Variants in PNPLA6 observed in about 807,000 individuals in gnomAD.
The protein encoded by PNPLA6 is patatin-like phospholipase domain-containing protein 6.
In PNPLA6, 105 loss-of-function variants were observed where a neutral mutation model predicts 153.7. The observed-to-expected ratio is 0.68, with a 90% CI of 0.58 to 0.80. The LOEUF (loss-of-function observed/expected upper bound fraction) is 0.80. Among genes scored for constraint, PNPLA6 ranks in the 30% least tolerant of loss-of-function variants. PNPLA6 has a pLI of 0.00. For synonymous variants in PNPLA6, 825 were observed against 822.2 expected (o/e 1.00, Z -0.06); for missense variants, 1,423 against 1,919.3 (o/e 0.74, Z 4.83).
At chr19:7,543,393 A>C (rs991620840) in intron 13 of PNPLA6, among the ~76,000 whole-genome samples, 3 of 152,020 alleles carry the variant, frequency 2.0e-5, no homozygotes, top group Non-Finnish European at 4.4e-5. Flanking sequence ...TGAACTTCTG[A>C]TCCTGCAGTA....
At position 7,554,229 on chromosome 19, in the gene PNPLA6, A is replaced by G. The variant is rs1402183916; in HGVS notation, c.2422A>G (p.Ser808Gly). 1 of 1,613,374 alleles carries G rather than the reference A, an allele frequency of 6.2e-7. No individual in the cohort carries two copies. Among genetic ancestry groups the G allele is most frequent in the Non-Finnish European group, 8.5e-7 (1 of 1,179,596 alleles). The change falls in exon 20 of 32, where the codon AGT (serine) becomes GGT (glycine). Residue 808 changes from serine to glycine, a missense_variant. Coordinates refer to ENST00000600737, the MANE Select transcript of PNPLA6 (RefSeq NM_001166114.2). ...QAIGPTLLLN[S>G]DIIRARLGAS... ...CCTAGGTCCGACGCTACTCCTTAAC[A>G]GTGACATCATCCGGGCACGCCTGGG...
intron 13 of PNPLA6, among the ~76,000 whole-genome samples, chr19:7,543,472 G>A (rs1471757601): frequency 1.3e-5 from 2 of 152,222 alleles, no homozygotes; most frequent in Non-Finnish European, 2.9e-5. Context: ...GCTACAAATC[G>A]CCATCTGGCC....
At position 7,542,802 on chromosome 19, in the gene PNPLA6, T is replaced by C. The variant is rs978880888; in HGVS notation, c.1404T>C (p.Cys468=). The part of the protein sequence containing the change: ...QEPREQPAGA[C]EYSYCEDESA... ...CTCGTGAGCAGCCGGCAGGCGCCTG[T>C]GAATACAGCTACTGTGAGGATGAGT... The change falls in exon 12 of 32, where the codon TGT becomes TGC. Residue 468 remains cysteine (C), a synonymous_variant. Coordinates refer to ENST00000600737, the MANE Select transcript of PNPLA6 (RefSeq NM_001166114.2). 6.2e-7 allele frequency: 1 copy of C among 1,612,962 alleles called. No individual in the cohort carries two copies. The highest frequency in any genetic ancestry group is 1.3e-5 in the African/African-American group (1 of 74,938).
At chr19:7,543,233 C>A (rs2023237177) in intron 13 of PNPLA6, 149 bp downstream of exon 13, 4 of 784,200 alleles carry the variant, frequency 5.1e-6, no homozygotes, top group South Asian at 4.4e-5. Context: ...AACCTCTAAC[C>A]CTTGGGTCCT....
At chr19:7,539,491 G>T (rs1311866894) in intron 3 of PNPLA6, among the ~76,000 whole-genome samples, 1 of 147,680 alleles carries the variant, frequency 6.8e-6, no homozygotes, top group Non-Finnish European at 1.5e-5. Flanking sequence ...GGGCACAGTG[G>T]CTCACACCTT....
chr19:7,535,373 C>A, upstream of PNPLA6: 1 of 722,662 alleles, frequency 1.4e-6, no homozygotes, highest in Non-Finnish European at 2.5e-6. This position sits in a 1 kb window ranked among gnomAD's most constrained non-coding sequence, Gnocchi z 5.0. Context: ...CCTCTAGCCT[C>A]GCCCCTGGCA....
chr19:7,555,142 C>A lies in PNPLA6; in HGVS notation c.2817+67C>A. 6.4e-7 allele frequency: 1 copy of A among 1,552,514 alleles called. No homozygotes were observed. The highest frequency in any genetic ancestry group is 8.7e-7 in the Non-Finnish European group (1 of 1,150,968). On this transcript the variant is annotated intron_variant, in intron 22 of 31. Coordinates refer to ENST00000600737, the MANE Select transcript of PNPLA6 (RefSeq NM_001166114.2). This position sits in a 1 kb window ranked among gnomAD's most constrained non-coding sequence, Gnocchi z 6.3. ...GTGGGCGAGGCTTGGGAGACTGGGG[C>A]GGGGCCTGGGAGGGCTGAGGACAGG...
At position 7,539,916 on chromosome 19, in the gene PNPLA6, A is replaced by G. The variant is rs775314229; in HGVS notation, c.414-2A>G. Reference sequence around the variant, plus strand: ...CCCCCGGCACCCCTCCCCTCCCACCAGGATCCTGCGCATCCAGAAAGAGAC... The same window carrying G: ...CCCCCGGCACCCCTCCCCTCCCACCGGGATCCTGCGCATCCAGAAAGAGAC... On this transcript the variant is annotated splice_acceptor_variant, in intron 3 of 31. Transcript: ENST00000600737. LOFTEE classifies it high-confidence loss of function. 1.4e-5 allele frequency: 20 copies of G among 1,454,504 alleles called. No individual in the cohort carries two copies. Among genetic ancestry groups the G allele is most frequent in the Non-Finnish European group, 1.9e-5 (20 of 1,072,272 alleles). The allele number at this position is 1,454,504 out of a possible 1,614,324, so 90.1% of individuals were successfully genotyped here.
At position 7,540,295 on chromosome 19, in the gene PNPLA6, G is replaced by C; in HGVS notation, c.701G>C (p.Cys234Ser). ...YVVQDGLLEL[C>S]LPGPDGKECV... ...GTGCAGGACGGGCTGCTGGAGCTCTGTCTGCCAGGGCCTGTGAGTGGGCCT... is the reference window on the plus strand; with the variant it reads ...GTGCAGGACGGGCTGCTGGAGCTCTCTCTGCCAGGGCCTGTGAGTGGGCCT... The change falls in exon 5 of 32, where the codon TGT (cysteine) becomes TCT (serine). Residue 234 changes from cysteine (C) to serine (S), a missense_variant. This residue lies in a region of PNPLA6 where 118 missense variants were observed against 158.8 expected (regional missense o/e 0.74). Coordinates refer to ENST00000600737, the MANE Select transcript of PNPLA6 (RefSeq NM_001166114.2). This position sits in a 1 kb window ranked among gnomAD's most constrained non-coding sequence, Gnocchi z 6.8. 6.2e-7 allele frequency: 1 copy of C among 1,605,972 alleles called. No homozygotes were observed. The highest frequency in any genetic ancestry group is 8.5e-7 in the Non-Finnish European group (1 of 1,178,724).
chr19:7,546,075 G>A lies in PNPLA6; in HGVS notation c.1608+2991G>A, dbSNP rs149745223. ...AAATGATCTTGGCACTACAAAGTCTGGCTTAGACAGGGTGGCACCTCTAAG... is the reference window on the plus strand; with the variant it reads ...AAATGATCTTGGCACTACAAAGTCTAGCTTAGACAGGGTGGCACCTCTAAG... On this transcript the variant is annotated intron_variant, in intron 13 of 31. Coordinates refer to ENST00000600737, the MANE Select transcript of PNPLA6 (RefSeq NM_001166114.2). Among the ~76,000 whole-genome samples, 450 of 152,252 alleles carry A rather than the reference G, an allele frequency of 3.0e-3. 4 individuals carry two copies. The highest frequency in any genetic ancestry group is 9.9e-3 in the African/African-American group (413 of 41,542).
At chr19:7,558,459 C>T (rs775380498) in intron 27 of PNPLA6, among the ~76,000 whole-genome samples, 1 of 152,154 alleles carries the variant, frequency 6.6e-6, no homozygotes, top group East Asian at 1.9e-4. Flanking sequence ...TGGTGAAACC[C>T]GGTTTCTACT....
At chr19:7,559,728 C>CA (rs34013359) in intron 28 of PNPLA6, among the ~76,000 whole-genome samples, 3 of 152,012 alleles carry the variant, frequency 2.0e-5, no homozygotes, top group Non-Finnish European at 4.4e-5. Context: ...CCTGTCACCC[C>CA]AGCTACTTAG....
Position 7,546,908 on chromosome 19 carries a change from A to ATT in PNPLA6, c.1609-2986_1609-2985dup, listed in dbSNP as rs35038958. Reference sequence around the variant, plus strand: ...AATTGCTGGGTTATAAGCCAATTCAATTTTTTTTTTTTTTAAGAGGGAGTC... The same window carrying ATT: ...AATTGCTGGGTTATAAGCCAATTCAATTTTTTTTTTTTTTTTAAGAGGGAGTC... On this transcript the variant is annotated intron_variant, in intron 13 of 31. Coordinates refer to ENST00000600737, the MANE Select transcript of PNPLA6 (RefSeq NM_001166114.2). 6.9e-3 allele frequency among the ~76,000 whole-genome samples: 1,008 copies of ATT among 145,860 alleles called. 9 individuals are homozygous for ATT. The highest frequency in any genetic ancestry group is 0.022 in the African/African-American group (871 of 39,620).
intron 3 of PNPLA6, among the ~76,000 whole-genome samples, chr19:7,537,296 C>T (rs526411): frequency 0.22 from 33,713 of 152,052 alleles, 3,783 homozygotes; most frequent in East Asian, 0.31. Context: ...CTCTCTTCTC[C>T]GGGGGTTATC....
intron 3 of PNPLA6, among the ~76,000 whole-genome samples, chr19:7,539,193 G>A (rs1303374980): frequency 6.6e-6 from 1 of 152,182 alleles, no homozygotes; most frequent in East Asian, 1.9e-4. Flanking sequence ...AATAAATGTG[G>A]CCAGCCGGGT....
Position 7,541,863 on chromosome 19 carries a change from C to G in PNPLA6, c.1169-121C>G, listed in dbSNP as rs1178753613. The G allele has an allele frequency of 2.0e-5, 23 of 1,122,350 alleles. No homozygotes were observed. In the South Asian group the frequency reaches 2.9e-4, roughly 14 times the overall value. 69.5% of individuals were successfully genotyped at this position (1,122,350 alleles called of 1,614,324 possible). A position where few individuals can be genotyped will look rare whatever the true frequency, so the allele number is the denominator to read the frequency against. ...TACCGAGGAAGCTGTGGCCTCGTCCCCAAGGGCCCATTGGAATTGCTTTAA... is the reference window on the plus strand; with the variant it reads ...TACCGAGGAAGCTGTGGCCTCGTCCGCAAGGGCCCATTGGAATTGCTTTAA... On this transcript the variant is annotated intron_variant, in intron 9 of 31. Coordinates refer to ENST00000600737, the MANE Select transcript of PNPLA6 (RefSeq NM_001166114.2). This position sits in a 1 kb window ranked among gnomAD's most constrained non-coding sequence, Gnocchi z 5.2.
chr19:7,555,429 G>A lies in PNPLA6; in HGVS notation c.2936+62G>A, dbSNP rs1292505539. On this transcript the variant is annotated intron_variant, in intron 23 of 31. Transcript: ENST00000600737. This position sits in a 1 kb window ranked among gnomAD's most constrained non-coding sequence, Gnocchi z 6.3. ...GATGTCCGAGGGTGGAGCTTCCTGGGAGAAACCGTGGGGGCGGGGCCTGGG... is the reference window on the plus strand; with the variant it reads ...GATGTCCGAGGGTGGAGCTTCCTGGAAGAAACCGTGGGGGCGGGGCCTGGG... The A allele has an allele frequency of 4.4e-6, 6 of 1,373,630 alleles. No homozygotes were observed. The African/African-American group carries it at 7.2e-5, about 16-fold the overall frequency. 85.1% of individuals were successfully genotyped at this position (1,373,630 alleles called of 1,614,324 possible).
chr19:7,541,396 C>T lies in PNPLA6; in HGVS notation c.967C>T (p.His323Tyr). ...RLQRVTFLAL[H>Y]NYLGLTNELF... ...GCAGCGAGTCACCTTCCTGGCACTG[C>T]ACAACTACCTGGGTCTGACCAATGA... Residue 323 changes from histidine to tyrosine, a missense_variant, in exon 8 of 32, where the codon CAC (histidine) becomes TAC (tyrosine). Around this residue, in one of 10 missense-constraint regions of PNPLA6, gnomAD observed 4 missense variants for 21.0 expected, o/e 0.19. Transcript: ENST00000600737. This position sits in a 1 kb window ranked among gnomAD's most constrained non-coding sequence, Gnocchi z 5.2. 6.2e-7 allele frequency: 1 copy of T among 1,614,038 alleles called. No individual in the cohort carries two copies. Among genetic ancestry groups the T allele is most frequent in the Non-Finnish European group, 8.5e-7 (1 of 1,179,956 alleles).
At chr19:7,559,300 G>A (rs533252035) in intron 28 of PNPLA6, 149 bp downstream of exon 28, 5 of 762,234 alleles carry the variant, frequency 6.6e-6, no homozygotes, top group Non-Finnish European at 1.2e-5. Flanking sequence ...TGATCAATTG[G>A]TGATGTCTGC....
Sources: gnomAD v4.1 joint callset for allele counts (sites outside exome capture counted in the v4.1 genomes callset) on GRCh38, gnomAD v4.1.1 for gene constraint, gnomAD v4.1.1 regional missense constraint, Gnocchi (gnomAD v3.1) non-coding constraint, MANE v1.5 for transcripts, NCBI Gene and HGNC (gene_info 2026-07-23, HGNC 2026-07-21) for gene names.